The following MYO10 variants were observed in gnomAD, a reference collection of about 807,000 sequenced individuals.
MYO10 encodes the protein myosin X, also known as unconventional myosin-X.
In MYO10, 133 loss-of-function variants were observed where a neutral mutation model predicts 257.3. The observed-to-expected ratio is 0.52, with a 90% confidence interval of 0.45 to 0.60. The LOEUF (loss-of-function observed/expected upper bound fraction) is 0.60, where lower values mean the gene tolerates loss of function less well. Among genes scored for constraint, MYO10 ranks in the 20% least tolerant of loss-of-function variants. The pLI is 0.00. For synonymous variants in MYO10, 1,104 were observed against 1,028.6 expected, an observed-to-expected ratio of 1.07 and a Z score of -1.40; for missense variants, 2,399 against 2,635.7, an observed-to-expected ratio of 0.91 and a Z score of 1.97.
intron 2 of MYO10, among the ~76,000 whole-genome samples, chr5:16,866,133 G>A (rs573934809): frequency 1.5e-4 from 23 of 151,520 alleles, no homozygotes; most frequent in South Asian, 1.5e-3. Flanking sequence ...CAATTCAAAC[G>A]TGGGTATTTG....
chr5:16,882,132 T>C (rs1744770012), intron 1 of MYO10, among the ~76,000 whole-genome samples: 1 of 152,242 alleles, frequency 6.6e-6, no homozygotes. Flanking sequence ...AAAGCACTTA[T>C]GCATAAATTC....
chr5:16,898,175 G>A (rs1327970754), intron 1 of MYO10, among the ~76,000 whole-genome samples: 3 of 152,008 alleles, frequency 2.0e-5, no homozygotes, highest in African/African-American at 7.2e-5. Context: ...GAGCCCCCAG[G>A]TCAGCGTCTT....
intron 1 of MYO10, among the ~76,000 whole-genome samples, chr5:16,913,013 A>G (rs1745710825): frequency 6.7e-6 from 1 of 149,822 alleles, no homozygotes; most frequent in Non-Finnish European, 1.5e-5. Flanking sequence ...AGCCAATTCT[A>G]TCTTCCCTTT....
chr5:16,827,713 C>T (rs2126714883), intron 2 of MYO10, among the ~76,000 whole-genome samples: 1 of 152,176 alleles, frequency 6.6e-6, no homozygotes. Context: ...GTCCTTTAAA[C>T]TGTCATCAGG....
At chr5:16,822,652 AATTTGGAAATATTTTTTTTTCTTTTTT>A (rs1450282396) in intron 2 of MYO10, among the ~76,000 whole-genome samples, 3 of 150,734 alleles carry the variant, frequency 2.0e-5, no homozygotes, top group African/African-American at 7.3e-5. Flanking sequence ...CACCTGATTT[AATTTGGAAATATTTTTTTTTCTTTTTT>A]ATTTATTTTT....
At chr5:16,919,839 G>A (rs1024823237) in intron 1 of MYO10, among the ~76,000 whole-genome samples, 1 of 152,114 alleles carries the variant, frequency 6.6e-6, no homozygotes, top group African/African-American at 2.4e-5. Context: ...TAGGCCGGGT[G>A]TGGTGGCTCA....
chr5:16,865,436 G>A (rs773820371), intron 2 of MYO10, among the ~76,000 whole-genome samples: 1 of 152,114 alleles, frequency 6.6e-6, no homozygotes, highest in Admixed American at 6.6e-5. Flanking sequence ...CTTTCTTGAC[G>A]TTGTCTATTT....
intron 2 of MYO10, among the ~76,000 whole-genome samples, chr5:16,854,400 C>A (rs1218509109): frequency 6.6e-6 from 1 of 152,142 alleles, no homozygotes. Flanking sequence ...CATGCTGCAC[C>A]ATGGGTGACC....
intron 19 of MYO10, among the ~76,000 whole-genome samples, chr5:16,718,175 T>C (rs919075048): frequency 2.0e-5 from 3 of 152,212 alleles, no homozygotes; most frequent in Non-Finnish European, 4.4e-5. Flanking sequence ...CGCTGGGCCT[T>C]AGCTGCCTTC....
chr5:16,762,115 T>TG lies in MYO10; in HGVS notation c.1588-3_1588-2insC. 6 of 566,708 alleles carry TG rather than the reference T, an allele frequency of 1.1e-5. No homozygotes were observed. Among genetic ancestry groups the TG allele is most frequent in the Admixed American group, 7.0e-5 (1 of 14,232 alleles). The allele number at this position is 566,708 out of a possible 1,614,324, so 35.1% of individuals were successfully genotyped here. On this transcript the variant is annotated splice_polypyrimidine_tract_variant and splice_region_variant and intron_variant, in intron 15 of 40. Coordinates refer to ENST00000513610, the MANE Select transcript of MYO10 (RefSeq NM_012334.3). ...GGGCTTCACATAAAAGTGGTTATTCTAAAAAAAAAAAAAAAAAAAAAAAAA... is the reference window on the plus strand; with the variant it reads ...GGGCTTCACATAAAAGTGGTTATTCTGAAAAAAAAAAAAAAAAAAAAAAAAA...
chr5:16,835,781 G>A (rs1375025104), intron 2 of MYO10, among the ~76,000 whole-genome samples: 1 of 149,640 alleles, frequency 6.7e-6, no homozygotes, highest in Non-Finnish European at 1.5e-5. Flanking sequence ...AAAAAAAGTA[G>A]GTTACTAATT....
At chr5:16,796,311 GGGAAAGAGAGGAAGA>G (rs1741952153) in intron 3 of MYO10, among the ~76,000 whole-genome samples, 1 of 32,574 alleles carries the variant, frequency 3.1e-5, no homozygotes, top group Middle Eastern at 0.018. Context: ...AGGAAAGAAA[GGGAAAGAGAGGAAGA>G]AAGGAAAGAA....
At chr5:16,746,956 C>A (rs1187095649) in intron 19 of MYO10, among the ~76,000 whole-genome samples, 1 of 152,168 alleles carries the variant, frequency 6.6e-6, no homozygotes, top group Admixed American at 6.6e-5. Flanking sequence ...CAGTTTAAAC[C>A]TTGTCATGTG....
chr5:16,721,027 A>G (rs1376748505), intron 19 of MYO10, among the ~76,000 whole-genome samples: 1 of 152,178 alleles, frequency 6.6e-6, no homozygotes, highest in African/African-American at 2.4e-5. Flanking sequence ...TTGCATTTCC[A>G]TTATGGGATA....
intron 10 of MYO10, 22 bp from the exon 11 acceptor site, chr5:16,766,220 T>C: frequency 1.3e-6 from 2 of 1,579,872 alleles, no homozygotes; most frequent in Non-Finnish European, 1.7e-6. Context: ...AAGACAAAGG[T>C]GAATGAACCC....
intron 19 of MYO10, among the ~76,000 whole-genome samples, chr5:16,724,567 ATTT>A (rs35045821): frequency 1.3e-5 from 2 of 150,458 alleles, no homozygotes; most frequent in African/African-American, 2.4e-5. Flanking sequence ...ATACCCAGTT[ATTT>A]TTTTTTAATG....
chr5:16,918,195 T>C (rs71609339), intron 1 of MYO10, among the ~76,000 whole-genome samples: 10,580 of 152,250 alleles, frequency 0.069, 437 homozygotes, highest in African/African-American at 0.11. Flanking sequence ...TCAAGTTTAA[T>C]GGGTAAGGAA....
Position 16,704,692 on chromosome 5 carries a change from A to G in MYO10, c.2170-7T>C. 2 of 1,611,638 alleles carry G rather than the reference A, an allele frequency of 1.2e-6. No individual in the cohort carries two copies. Among genetic ancestry groups the G allele is most frequent in the Non-Finnish European group, 1.7e-6 (2 of 1,177,952 alleles). ...AGGATTCTCGAAGAAAGACCTGCTC[A>G]GGACGGAGTCACATGTCAGAAGCAA... On this transcript the variant is annotated splice_polypyrimidine_tract_variant and splice_region_variant and intron_variant, in intron 21 of 40. Coordinates refer to ENST00000513610, the MANE Select transcript of MYO10 (RefSeq NM_012334.3).
chr5:16,917,439 A>G (rs1745853353), intron 1 of MYO10, among the ~76,000 whole-genome samples: 1 of 152,054 alleles, frequency 6.6e-6, no homozygotes. Flanking sequence ...CTCAGCTTCT[A>G]CCCACTAGAC....
Sources: gnomAD v4.1 joint callset for allele counts (sites outside exome capture counted in the v4.1 genomes callset) on GRCh38, gnomAD v4.1.1 for gene constraint, MANE v1.5 for transcripts, NCBI Gene and HGNC (gene_info 2026-07-23, HGNC 2026-07-21) for gene names.